The following GRID1 variants were observed in gnomAD, a reference collection of about 807,000 sequenced individuals.
GRID1 encodes glutamate ionotropic receptor delta type subunit 1, also known as glutamate receptor ionotropic, delta-1.
A neutral mutation model predicts 98.0 loss-of-function variants in GRID1; 28 were observed. The observed-to-expected ratio is 0.29, with a 90% CI of 0.21 to 0.39. The LOEUF (loss-of-function observed/expected upper bound fraction) is 0.39, where lower values mean the gene tolerates loss of function less well. Ranked by LOEUF, GRID1 falls within the 10% of genes least tolerant of loss-of-function variation. The pLI is 1.00. For synonymous variants in GRID1, 553 were observed against 538.5 expected, an observed-to-expected ratio of 1.03 and a Z score of -0.37; for missense variants, 1,111 against 1,340.5, an observed-to-expected ratio of 0.83 and a Z score of 2.67.
intron 4 of GRID1, among the ~76,000 whole-genome samples, chr10:86,136,540 T>A (rs1199998483): frequency 6.6e-6 from 1 of 152,236 alleles, no homozygotes; most frequent in African/African-American, 2.4e-5. Flanking sequence ...TCATTTAACA[T>A]CTTTAGCTTT....
At chr10:86,184,781 A>T (rs1356698379) in intron 3 of GRID1, among the ~76,000 whole-genome samples, 1 of 152,230 alleles carries the variant, frequency 6.6e-6, no homozygotes, top group Non-Finnish European at 1.5e-5. Context: ...AGCTACTAGC[A>T]TTACCAAGTG....
chr10:86,062,557 C>A (rs1438471634), intron 4 of GRID1, among the ~76,000 whole-genome samples: 2 of 152,150 alleles, frequency 1.3e-5, no homozygotes, highest in African/African-American at 2.4e-5. Flanking sequence ...TTGGAAGAAG[C>A]CTGCCCTAGA....
intron 2 of GRID1, among the ~76,000 whole-genome samples, chr10:86,278,006 C>G (rs1441258740): frequency 6.9e-6 from 1 of 144,532 alleles, no homozygotes; most frequent in Non-Finnish European, 1.5e-5. Context: ...TCAATAATAA[C>G]TTTAAATGTA....
intron 4 of GRID1, among the ~76,000 whole-genome samples, chr10:86,033,250 A>C (rs1056582483): frequency 7.9e-5 from 12 of 152,120 alleles, no homozygotes; most frequent in African/African-American, 2.9e-4. Context: ...GTGAAAAGTA[A>C]ATGTTATGGT....
chr10:86,042,111 T>G (rs1843354792), intron 4 of GRID1, among the ~76,000 whole-genome samples: 2 of 152,156 alleles, frequency 1.3e-5, no homozygotes, highest in African/African-American at 4.8e-5. Context: ...AGGGGGAAAC[T>G]GGGAGGGTCT....
At chr10:85,642,257 G>A (rs1028811857) in intron 13 of GRID1, among the ~76,000 whole-genome samples, 1 of 152,172 alleles carries the variant, frequency 6.6e-6, no homozygotes, top group East Asian at 1.9e-4. Context: ...ACAAGCTGTA[G>A]GTCAGATTTG....
intron 3 of GRID1, among the ~76,000 whole-genome samples, chr10:86,161,604 A>T (rs1218089889): frequency 6.6e-6 from 1 of 152,172 alleles, no homozygotes; most frequent in Non-Finnish European, 1.5e-5. Context: ...GTAGGCCATG[A>T]GTGCTTGAGG....
intron 2 of GRID1, among the ~76,000 whole-genome samples, chr10:86,239,496 G>A (rs55873037): frequency 0.043 from 6,494 of 152,258 alleles, 195 homozygotes; most frequent in Non-Finnish European, 0.065. Flanking sequence ...ATGAGACTTG[G>A]GAGGGGCCAA....
chr10:86,112,435 T>G (rs1844502706), intron 4 of GRID1, among the ~76,000 whole-genome samples: 1 of 152,228 alleles, frequency 6.6e-6, no homozygotes. Context: ...ATCAGTGTAC[T>G]GGAGGCATAA....
chr10:85,794,044 G>A (rs1194593831), intron 8 of GRID1, among the ~76,000 whole-genome samples: 1 of 152,064 alleles, frequency 6.6e-6, no homozygotes, highest in Non-Finnish European at 1.5e-5. Context: ...TTCTCTCCGG[G>A]GTCTTTCCTT....
In GRID1 at chr10:85,823,618, T is replaced by C. The variant is rs1002256916; in HGVS notation, c.1233+30878A>G. Among the ~76,000 whole-genome samples the C allele has an allele frequency of 3.3e-5, 5 of 151,900 alleles. No homozygotes were observed. In the East Asian group the frequency reaches 9.6e-4, roughly 29 times the overall value. ...AGAATTGTCCAATACTGATAATATA[T>C]TTAAATGCAAATAATTAAATAATTC... is the stretch of plus-strand genomic sequence containing the variant. On this transcript the variant is annotated intron_variant, in intron 8 of 15. Transcript: ENST00000327946.
chr10:85,886,005 G>T (rs1026875237), intron 5 of GRID1, among the ~76,000 whole-genome samples: 1 of 152,262 alleles, frequency 6.6e-6, no homozygotes, highest in Middle Eastern at 3.4e-3. Context: ...AACCCCAGGG[G>T]GCTCTCCCCT....
At chr10:85,770,378 A>C (rs1245290912) in intron 8 of GRID1, among the ~76,000 whole-genome samples, 2 of 152,212 alleles carry the variant, frequency 1.3e-5, no homozygotes, top group African/African-American at 2.4e-5. Context: ...AGATGGGGAA[A>C]AAAAAGAGCA....
chr10:86,178,155 T>G (rs2131998763), intron 3 of GRID1, among the ~76,000 whole-genome samples: 1 of 152,272 alleles, frequency 6.6e-6, no homozygotes, highest in Non-Finnish European at 1.5e-5. Context: ...GACAAAATCT[T>G]CGAGTGAGCA....
At chr10:86,022,311 TTAAAC>T (rs1235214523) in intron 4 of GRID1, among the ~76,000 whole-genome samples, 1 of 152,202 alleles carries the variant, frequency 6.6e-6, no homozygotes, top group Admixed American at 6.5e-5. Flanking sequence ...GTTTTTAAAT[TTAAAC>T]TAATTTCAAT....
At chr10:85,716,105 C>T (rs1841636039) in intron 12 of GRID1, among the ~76,000 whole-genome samples, 1 of 152,066 alleles carries the variant, frequency 6.6e-6, no homozygotes, top group Non-Finnish European at 1.5e-5. Flanking sequence ...CTGGGTTTCA[C>T]CATGTTTGCC....
intron 2 of GRID1, among the ~76,000 whole-genome samples, chr10:86,236,510 G>A (rs1846541716): frequency 6.6e-6 from 1 of 152,102 alleles, no homozygotes; most frequent in Non-Finnish European, 1.5e-5. Flanking sequence ...GCATGGTCTT[G>A]GCCTTCAACT....
chr10:85,637,428 G>A (rs1221953864), intron 13 of GRID1, among the ~76,000 whole-genome samples: 2 of 152,148 alleles, frequency 1.3e-5, no homozygotes, highest in Non-Finnish European at 2.9e-5. Flanking sequence ...AAAAGGTTTA[G>A]GCACATTTTA....
rs573127417 is a variant in GRID1 at position 85,604,667 on chromosome 10, G to C, written c.2602-1966C>G. On this transcript the variant is annotated intron_variant, in intron 15 of 15. Coordinates refer to ENST00000327946, the MANE Select transcript of GRID1 (RefSeq NM_017551.3). Reference sequence around the variant, plus strand: ...CTCCTTCAAAGGTTTGTAAAATATAGAGCAAACCAAATTCAAGTTATTTTC... The same window carrying C: ...CTCCTTCAAAGGTTTGTAAAATATACAGCAAACCAAATTCAAGTTATTTTC... 3.6e-4 allele frequency among the ~76,000 whole-genome samples: 55 copies of C among 152,282 alleles called. 1 individual carries two copies. Among genetic ancestry groups the C allele is most frequent in the Admixed American group, 2.2e-3 (33 of 15,300 alleles).
Sources: allele counts gnomAD v4.1 joint callset (sites outside exome capture counted in the v4.1 genomes callset), GRCh38; gene constraint gnomAD v4.1.1; transcripts MANE v1.5; gene names NCBI Gene and HGNC (gene_info 2026-07-23, HGNC 2026-07-21).